SLCO1A2: variants seen among roughly 807,000 people sequenced by gnomAD.
SLCO1A2 encodes OATP-1.
A neutral mutation model predicts 69.0 loss-of-function variants in SLCO1A2; 67 were observed. The ratio of observed to expected loss-of-function variants is 0.97; its 90% CI spans 0.80 to 1.19. SLCO1A2 has a LOEUF of 1.19. Ranked by LOEUF, SLCO1A2 falls within the 50% of genes most tolerant of loss-of-function variation. The pLI is 0.00. For missense variants in SLCO1A2, 787 were observed against 793.7 expected (o/e 0.99, Z 0.10); for synonymous variants, 260 against 265.9 (o/e 0.98, Z 0.22).
At chr12:21,301,589 A>C (rs1404294454) in intron 6 of SLCO1A2, among the ~76,000 whole-genome samples, 1 of 152,158 alleles carries the variant, frequency 6.6e-6, no homozygotes, top group Non-Finnish European at 1.5e-5. Context: ...GATATAACCA[A>C]GGTCCTGTTA....
At chr12:21,387,776 C>A (rs11046009) in intron 1 of SLCO1A2, among the ~76,000 whole-genome samples, 16,303 of 152,174 alleles carry the variant, frequency 0.11, 1,012 homozygotes, top group African/African-American at 0.17. Context: ...CCACTGTCCT[C>A]CAGACCCCAG....
At chr12:21,326,700 A>G (rs909788226) in intron 2 of SLCO1A2, among the ~76,000 whole-genome samples, 5 of 152,192 alleles carry the variant, frequency 3.3e-5, no homozygotes, top group Non-Finnish European at 7.3e-5. Flanking sequence ...TGAACTTAAG[A>G]GACATAATTT....
intron 12 of SLCO1A2, among the ~76,000 whole-genome samples, chr12:21,283,706 T>G (rs950460786): frequency 1.3e-5 from 2 of 152,022 alleles, no homozygotes; most frequent in African/African-American, 4.8e-5. Flanking sequence ...TGTAAGGAGC[T>G]CAAACAACTC....
At chr12:21,384,264 C>T (rs1158436991) in intron 1 of SLCO1A2, among the ~76,000 whole-genome samples, 3 of 152,042 alleles carry the variant, frequency 2.0e-5, no homozygotes, top group African/African-American at 7.2e-5. Context: ...GAGAAAGCTT[C>T]AAAGATGAAC....
intron 1 of SLCO1A2, among the ~76,000 whole-genome samples, chr12:21,410,435 C>A (rs1286591885): frequency 6.6e-6 from 1 of 152,174 alleles, no homozygotes; most frequent in African/African-American, 2.4e-5. Context: ...ACTATCCATT[C>A]ATCCACATTA....
chr12:21,342,867 T>C (rs899825207), intron 2 of SLCO1A2, among the ~76,000 whole-genome samples: 3 of 152,068 alleles, frequency 2.0e-5, no homozygotes, highest in African/African-American at 7.2e-5. Flanking sequence ...AGATGATTCC[T>C]AGGTTTCTAG....
intron 5 of SLCO1A2, among the ~76,000 whole-genome samples, chr12:21,305,654 G>A (rs543046774): frequency 6.6e-6 from 1 of 152,346 alleles, no homozygotes; most frequent in South Asian, 2.1e-4. Context: ...CCACAATGAA[G>A]CCGACTAGCA....
Position 21,378,254 on chromosome 12 carries a change from G to C in SLCO1A2, c.-189-3729C>G, listed in dbSNP as rs200996235. 6 of 1,614,016 alleles carry C rather than the reference G, an allele frequency of 3.7e-6. No individual in the cohort carries two copies. In the East Asian group the frequency reaches 1.3e-4, roughly 36 times the overall value. On this transcript the variant is annotated intron_variant, in intron 1 of 15. Transcript: ENST00000307378. ...GTTACCAGTCATCAGGTGGAAAAGC[G>C]GAAATGCAACACTGCCACATGTGCA...
chr12:21,312,039 GGAAGAA>G (rs138980079), intron 4 of SLCO1A2, among the ~76,000 whole-genome samples: 6 of 150,302 alleles, frequency 4.0e-5, no homozygotes, highest in African/African-American at 1.2e-4. Flanking sequence ...AAGAAGAAGA[GGAAGAA>G]GAAGAGGAGG....
rs921455288 is a variant in SLCO1A2 at position 21,268,338 on chromosome 12, T to C, written c.*1210A>G. On this transcript the variant is annotated 3_prime_UTR_variant, in exon 15 of 15. Transcript: ENST00000683939. ...ATAGTACACATAAATAACCATAGTG[T>C]ATTGACACCCACTTCTCCCACCCTT... 6.6e-6 allele frequency: 1 copy of C among 152,070 alleles called. No homozygotes were observed. Among genetic ancestry groups the C allele is most frequent in the African/African-American group, 2.4e-5 (1 of 41,428 alleles). 9.4% of individuals were successfully genotyped at this position (152,070 alleles called of 1,614,324 possible).
chr12:21,281,168 T>C (rs1289470591), intron 12 of SLCO1A2, among the ~76,000 whole-genome samples: 2 of 151,992 alleles, frequency 1.3e-5, no homozygotes, highest in Non-Finnish European at 2.9e-5. Context: ...AACAACCCAA[T>C]GGGCCAGGCG....
intron 2 of SLCO1A2, among the ~76,000 whole-genome samples, chr12:21,349,507 C>T (rs557169446): frequency 1.3e-5 from 2 of 152,276 alleles, no homozygotes; most frequent in Admixed American, 6.5e-5. Context: ...ATCTGGGCTC[C>T]CCATACGTAT....
intron 1 of SLCO1A2, among the ~76,000 whole-genome samples, chr12:21,408,555 G>A (rs1016212632): frequency 6.6e-6 from 1 of 152,062 alleles, no homozygotes; most frequent in African/African-American, 2.4e-5. Flanking sequence ...CCAGAAATCC[G>A]CAACTGCCCA....
At chr12:21,301,322 G>A in intron 6 of SLCO1A2, 53 bp from the exon 7 acceptor site, 1 of 1,237,514 alleles carries the variant, frequency 8.1e-7, no homozygotes, top group Non-Finnish European at 1.1e-6. Context: ...CCCACATAAA[G>A]AGTTCTAGGT....
chr12:21,379,559 C>T (rs1940454132), intron 1 of SLCO1A2: 1 of 152,124 alleles, frequency 6.6e-6, no homozygotes, highest in African/African-American at 2.4e-5. Context: ...GTATATGATA[C>T]ACTTTTTTTG....
rs1178050010 is a variant in SLCO1A2, at chr12:21,264,717, C to G, written c.*4831G>C. ...GCAATAGTGTCTCACACAGAAATGACTCCAAAGCTCTCCTGGAAAGGTTGC... is the reference window on the plus strand; with the variant it reads ...GCAATAGTGTCTCACACAGAAATGAGTCCAAAGCTCTCCTGGAAAGGTTGC... On this transcript the variant is annotated 3_prime_UTR_variant, in exon 15 of 15. Coordinates refer to ENST00000683939, the MANE Select transcript of SLCO1A2 (RefSeq NM_001386879.1). The G allele has an allele frequency of 6.6e-6, 1 of 152,150 alleles. No homozygotes were observed. The highest frequency in any genetic ancestry group is 1.5e-5 in the Non-Finnish European group (1 of 68,032). 9.4% of individuals were successfully genotyped at this position (152,150 alleles called of 1,614,324 possible). A position where few individuals can be genotyped will look rare whatever the true frequency, so the allele number is the denominator to read the frequency against.
At chr12:21,307,372 A>T (rs1311995614) in intron 4 of SLCO1A2, among the ~76,000 whole-genome samples, 1 of 152,228 alleles carries the variant, frequency 6.6e-6, no homozygotes, top group African/African-American at 2.4e-5. Context: ...GGAAGGAATA[A>T]CAACAAAACA....
chr12:21,349,821 G>T (rs1240077631), intron 2 of SLCO1A2, among the ~76,000 whole-genome samples: 1 of 152,120 alleles, frequency 6.6e-6, no homozygotes, highest in Non-Finnish European at 1.5e-5. Context: ...TGCCACTTTA[G>T]GAGGCTTAAT....
intron 12 of SLCO1A2, among the ~76,000 whole-genome samples, chr12:21,288,253 C>A (rs1457528563): frequency 6.6e-6 from 1 of 151,976 alleles, no homozygotes; most frequent in Non-Finnish European, 1.5e-5. Flanking sequence ...ACCAGCCGGG[C>A]CAACATAATA....
Sources: allele counts gnomAD v4.1 joint callset (sites outside exome capture counted in the v4.1 genomes callset), GRCh38; gene constraint gnomAD v4.1.1; transcripts MANE v1.5; gene names NCBI Gene and HGNC (gene_info 2026-07-23, HGNC 2026-07-21).